The following WIPF3 variants were observed in gnomAD, a reference collection of about 807,000 sequenced individuals.
WIPF3 encodes the protein WAS/WASL-interacting protein family member 3.
Under a neutral mutation model 38.9 loss-of-function variants are expected in WIPF3, and 33 were observed. The observed-to-expected ratio is 0.85, with a 90% CI of 0.64 to 1.14. The LOEUF (loss-of-function observed/expected upper bound fraction) is 1.14. Ranked by LOEUF, WIPF3 falls within the 50% of genes most tolerant of loss-of-function variation. The pLI, the probability that WIPF3 is intolerant of heterozygous loss-of-function variation, is 0.00. For missense variants in WIPF3, 711 were observed against 652.5 expected (o/e 1.09, Z -0.98); for synonymous variants, 324 against 269.3 (o/e 1.20, Z -1.99).
intron 2 of WIPF3, among the ~76,000 whole-genome samples, chr7:29,867,631 G>A (rs1328011330): frequency 7.9e-6 from 1 of 126,008 alleles, no homozygotes; most frequent in African/African-American, 3.0e-5. Context: ...TAAGTTTGAA[G>A]ATCAAATTTT....
intron 7 of WIPF3, among the ~76,000 whole-genome samples, chr7:29,902,541 T>G (rs1445594964): frequency 1.3e-5 from 2 of 152,166 alleles, no homozygotes. Context: ...AAAATATTTC[T>G]GAAGGGAGTT....
intron 4 of WIPF3, among the ~76,000 whole-genome samples, chr7:29,880,344 C>T (rs1352830060): frequency 2.0e-5 from 3 of 152,114 alleles, no homozygotes; most frequent in Non-Finnish European, 4.4e-5. Context: ...GCCTCACTCA[C>T]CAATAAAAGT....
rs1786356674 is a variant in WIPF3, at chr7:29,904,649, T to C, written c.1428+287T>C. 3 of 383,988 alleles carry C rather than the reference T, an allele frequency of 7.8e-6. No homozygotes were observed. In the South Asian group the frequency reaches 1.4e-4, roughly 18 times the overall value. The allele number at this position is 383,988 out of a possible 1,614,324, so 23.8% of individuals were successfully genotyped here. ...AATCATGCCAATCACTTCCCATTCT[T>C]CCTTGGTTATGATGGCCTGTGAGAA... On this transcript the variant is annotated intron_variant, in intron 8 of 8. Coordinates refer to ENST00000242140, the MANE Select transcript of WIPF3 (RefSeq NM_001080529.3).
intron 7 of WIPF3, among the ~76,000 whole-genome samples, chr7:29,897,734 C>T (rs1411584843): frequency 6.6e-6 from 1 of 152,140 alleles, no homozygotes; most frequent in African/African-American, 2.4e-5. Context: ...AACATACTGC[C>T]AGTAGGAGGG....
chr7:29,888,548 AATGC>A (rs1236694052), intron 6 of WIPF3, among the ~76,000 whole-genome samples: 1 of 150,884 alleles, frequency 6.6e-6, no homozygotes, highest in African/African-American at 2.4e-5. Flanking sequence ...TGGAGAAATC[AATGC>A]ATAAGCCTGA....
chr7:29,835,101 G>A (rs945352305), intron 2 of WIPF3, among the ~76,000 whole-genome samples: 9 of 151,888 alleles, frequency 5.9e-5, no homozygotes, highest in African/African-American at 1.2e-4. Context: ...GCGAGTCTGA[G>A]TGACTTTCTG....
At chr7:29,843,351 G>A (rs1472308985) in intron 2 of WIPF3, among the ~76,000 whole-genome samples, 1 of 152,162 alleles carries the variant, frequency 6.6e-6, no homozygotes, top group Non-Finnish European at 1.5e-5. Flanking sequence ...GTGTGCAGGA[G>A]GCAGCGATTA....
intron 8 of WIPF3, among the ~76,000 whole-genome samples, chr7:29,909,318 T>C (rs755670156): frequency 6.0e-5 from 9 of 151,078 alleles, no homozygotes; most frequent in Non-Finnish European, 1.3e-4. Context: ...ATCAATGAAA[T>C]AGAGAACAGA....
rs117972211 is a variant in WIPF3 at position 29,860,055 on chromosome 7, G to A, written c.91-15775G>A. Among the ~76,000 whole-genome samples the A allele has an allele frequency of 3.1e-4, 47 of 152,224 alleles. 1 individual carries two copies. In the East Asian group the frequency reaches 8.9e-3, roughly 29 times the overall value. ...GTGGGTGGGTAGAAACATGGACCGT[G>A]GTCAGATTCTGGAAGGCCTTAAACT... On this transcript the variant is annotated intron_variant, in intron 2 of 8. Coordinates refer to ENST00000242140, the MANE Select transcript of WIPF3 (RefSeq NM_001080529.3).
At chr7:29,875,335 C>T (rs1023197562) in intron 2 of WIPF3, among the ~76,000 whole-genome samples, 5 of 152,088 alleles carry the variant, frequency 3.3e-5, no homozygotes, top group Non-Finnish European at 7.4e-5. Flanking sequence ...GATGTGAGTA[C>T]CTAAGGACTG....
intron 8 of WIPF3, chr7:29,912,450 CAGAGCCTGGAAG>C (rs1389978170): frequency 1.2e-5 from 2 of 160,034 alleles, no homozygotes; most frequent in African/African-American, 2.4e-5. Context: ...GAACCTAAAG[CAGAGCCTGGAAG>C]AGATATTTGT....
At position 29,823,880 on chromosome 7, in the gene WIPF3, C is replaced by T. The variant is rs886844464; in HGVS notation, c.-57-10788C>T. ...TTGCCTTCTGCCATGAGTAAACGTT[C>T]CCTGAGGCCTCCCCAGAAGCAGATG... On this transcript the variant is annotated intron_variant, in intron 1 of 8. Coordinates refer to ENST00000242140, the MANE Select transcript of WIPF3 (RefSeq NM_001080529.3). This position sits in a 1 kb window ranked among gnomAD's most constrained non-coding sequence, Gnocchi z 4.0. Among the ~76,000 whole-genome samples, 1 of 152,186 alleles carries T rather than the reference C, an allele frequency of 6.6e-6. No homozygotes were observed. Among genetic ancestry groups the T allele is most frequent in the Non-Finnish European group, 1.5e-5 (1 of 68,032 alleles).
At chr7:29,833,386 T>C (rs1419582414) in intron 1 of WIPF3, among the ~76,000 whole-genome samples, 3 of 152,268 alleles carry the variant, frequency 2.0e-5, no homozygotes, top group South Asian at 2.1e-4. Flanking sequence ...GGTTATAGTA[T>C]AGGTGACTTT....
chr7:29,851,065 G>T (rs1785087317), intron 2 of WIPF3, among the ~76,000 whole-genome samples: 1 of 152,152 alleles, frequency 6.6e-6, no homozygotes, highest in Admixed American at 6.5e-5. Flanking sequence ...TCTCGGGATG[G>T]TGCTCAGCCT....
chr7:29,891,565 A>G (rs1786022524), intron 7 of WIPF3, among the ~76,000 whole-genome samples: 1 of 152,128 alleles, frequency 6.6e-6, no homozygotes, highest in African/African-American at 2.4e-5. Flanking sequence ...CACCCACTGA[A>G]GGTTAAATAG....
intron 2 of WIPF3, among the ~76,000 whole-genome samples, chr7:29,849,762 A>G (rs1785063626): frequency 6.6e-6 from 1 of 152,238 alleles, no homozygotes; most frequent in Non-Finnish European, 1.5e-5. Context: ...CATATTTGTT[A>G]AAGACCATCA....
At position 29,842,755 on chromosome 7, in the gene WIPF3, A is replaced by G. The variant is rs112061066; in HGVS notation, c.90+7941A>G. Among the ~76,000 whole-genome samples, 152 of 151,510 alleles carry G rather than the reference A, an allele frequency of 1.0e-3. 2 individuals carry two copies. Among genetic ancestry groups the G allele is most frequent in the African/African-American group, 2.3e-3 (96 of 41,354 alleles). ...TTGGAATTTTGTGTTTGCTGTTGTT[A>G]AAAAAAAATGCAGGGGCAGAGGGTC... On this transcript the variant is annotated intron_variant, in intron 2 of 8. Coordinates refer to ENST00000242140, the MANE Select transcript of WIPF3 (RefSeq NM_001080529.3).
chr7:29,894,612 TTTC>T (rs1051548017), intron 7 of WIPF3, among the ~76,000 whole-genome samples: 2 of 152,122 alleles, frequency 1.3e-5, no homozygotes, highest in East Asian at 1.9e-4. Context: ...CCTTACCAGT[TTTC>T]TTCTTGTTCA....
At chr7:29,867,246 G>A (rs1348487076) in intron 2 of WIPF3, among the ~76,000 whole-genome samples, 2 of 152,210 alleles carry the variant, frequency 1.3e-5, no homozygotes, top group Admixed American at 1.3e-4. Flanking sequence ...CTCTGTAAAA[G>A]ACTGGTTATT....
Sources: allele counts gnomAD v4.1 joint callset (sites outside exome capture counted in the v4.1 genomes callset), GRCh38; gene constraint gnomAD v4.1.1; non-coding constraint Gnocchi (gnomAD v3.1); transcripts MANE v1.5; gene names NCBI Gene and HGNC (gene_info 2026-07-23, HGNC 2026-07-21).